CCDC68: variants seen among roughly 807,000 people sequenced by gnomAD.
CCDC68 encodes coiled-coil domain containing 68, also known as coiled-coil domain-containing protein 68.
CCDC68 carries 45 observed loss-of-function variants against 47.1 expected under a neutral mutation model. That is an observed-to-expected ratio of 0.96 (90% CI 0.75 to 1.23). CCDC68 has a LOEUF of 1.23. CCDC68 is among the 50% of genes most tolerant of loss of function. CCDC68 has a pLI of 0.00. For synonymous variants in CCDC68, 131 were observed against 129.5 expected (o/e 1.01, Z -0.08); for missense variants, 353 against 373.6 (o/e 0.94, Z 0.45).
At chr18:54,910,601 C>T (rs115759236) in intron 10 of CCDC68, among the ~76,000 whole-genome samples, 3,875 of 152,346 alleles carry the variant, frequency 0.025, 154 homozygotes, top group African/African-American at 0.086. Flanking sequence ...CTGCCCCCTT[C>T]TGCCCAGGAG....
intron 8 of CCDC68, among the ~76,000 whole-genome samples, chr18:54,921,306 C>T (rs970806042): frequency 2.0e-5 from 3 of 152,068 alleles, no homozygotes; most frequent in Non-Finnish European, 4.4e-5. Flanking sequence ...AATATACCCA[C>T]GTAACAAACC....
At chr18:54,914,686 A>T (rs970659122) in intron 10 of CCDC68, among the ~76,000 whole-genome samples, 2 of 152,214 alleles carry the variant, frequency 1.3e-5, no homozygotes, top group Admixed American at 6.5e-5. Flanking sequence ...AGAGACTCTA[A>T]GACAACACTG....
rs753024038 is a variant in CCDC68 at position 54,934,943 on chromosome 18, G to T, written c.477C>A (p.Asn159Lys). 2 of 1,587,484 alleles carry T rather than the reference G, an allele frequency of 1.3e-6. No individual in the cohort carries two copies. Among genetic ancestry groups the T allele is most frequent in the East Asian group, 2.3e-5 (1 of 43,282 alleles). Residue 159 changes from asparagine to lysine, a missense_variant, in exon 7 of 12, where the codon AAC becomes AAA. Transcript: ENST00000591504. ...QEDSKQLLQV[N>K]KLEKEQKLKQ... ...TCAATTTCTGTTCTTTTTCAAGCTT[G>T]TTAACCTATGGTCAGAGAATCAGTT...
chr18:54,950,482 G>A (rs960043936), intron 1 of CCDC68, among the ~76,000 whole-genome samples: 8 of 152,026 alleles, frequency 5.3e-5, no homozygotes, highest in Admixed American at 1.3e-4. Context: ...CACAGTATAC[G>A]AAAGACATGC....
At chr18:54,916,692 C>T (rs1167688746) in intron 10 of CCDC68, among the ~76,000 whole-genome samples, 1 of 152,180 alleles carries the variant, frequency 6.6e-6, no homozygotes, top group Non-Finnish European at 1.5e-5. Context: ...CTTCATTGCA[C>T]TTCCTGCAAG....
chr18:54,903,137 T>C lies in CCDC68; in HGVS notation c.*1221A>G, dbSNP rs1187703855. On this transcript the variant is annotated 3_prime_UTR_variant, in exon 12 of 12. Coordinates refer to ENST00000591504, the MANE Select transcript of CCDC68 (RefSeq NM_025214.3). ...TACATTACATCATCTCATTTTTATA[T>C]ACCTTCAAATATTTATAGACAACAC... 2 of 152,248 alleles carry C rather than the reference T, an allele frequency of 1.3e-5. No individual in the cohort carries two copies. The highest frequency in any genetic ancestry group is 2.9e-5 in the Non-Finnish European group (2 of 68,040). 9.4% of individuals were successfully genotyped at this position (152,248 alleles called of 1,614,324 possible).
In CCDC68 at chr18:54,901,623, C is replaced by T. The variant is rs184899444; in HGVS notation, c.*2735G>A. ...GCAATTATTCAAAAGATATACTATA[C>T]TAATTGTTTAAACATTTTATAATGA... On this transcript the variant is annotated 3_prime_UTR_variant, in exon 12 of 12. Transcript: ENST00000591504. 11 of 152,168 alleles carry T rather than the reference C, an allele frequency of 7.2e-5. No individual in the cohort carries two copies. The highest frequency in any genetic ancestry group is 1.3e-4 in the Non-Finnish European group (9 of 68,034). 9.4% of individuals were successfully genotyped at this position (152,168 alleles called of 1,614,324 possible).
intron 1 of CCDC68, among the ~76,000 whole-genome samples, chr18:54,953,014 A>G (rs75941879): frequency 4.7e-5 from 7 of 148,684 alleles, no homozygotes; most frequent in Admixed American, 1.3e-4. Flanking sequence ...CTCTGTTTCA[A>G]AAAAAAAAAA....
chr18:54,935,548 AC>A (rs1568151591), intron 6 of CCDC68, among the ~76,000 whole-genome samples: 1 of 152,184 alleles, frequency 6.6e-6, no homozygotes, highest in Non-Finnish European at 1.5e-5. Context: ...CCTTGTAAAT[AC>A]CAAGTGGGCC....
At chr18:54,933,583 G>A (rs1360773038) in intron 7 of CCDC68, among the ~76,000 whole-genome samples, 1 of 152,112 alleles carries the variant, frequency 6.6e-6, no homozygotes, top group Admixed American at 6.5e-5. Flanking sequence ...GTTTTGTTAA[G>A]CTATTTATTA....
At chr18:54,949,712 G>C (rs115504556) in intron 1 of CCDC68, among the ~76,000 whole-genome samples, 193 of 152,312 alleles carry the variant, frequency 1.3e-3, no homozygotes, top group African/African-American at 4.4e-3. Flanking sequence ...TTGCAGGAAA[G>C]GTCTCTTACT....
chr18:54,931,832 C>A (rs2044268234), intron 7 of CCDC68, among the ~76,000 whole-genome samples: 1 of 152,134 alleles, frequency 6.6e-6, no homozygotes, highest in African/African-American at 2.4e-5. Context: ...GTAATATGTT[C>A]ATTACCAGAC....
At chr18:54,929,406 CTG>C (rs2044205053) in intron 7 of CCDC68, among the ~76,000 whole-genome samples, 1 of 152,138 alleles carries the variant, frequency 6.6e-6, no homozygotes, top group Non-Finnish European at 1.5e-5. Flanking sequence ...ACAGGAGAAA[CTG>C]AGATTGCAAT....
chr18:54,938,019 T>C lies in CCDC68; in HGVS notation c.283A>G (p.Ile95Val). The stretch of plus-strand genomic sequence containing the variant: ...AAGAGCTGTAGGTCTTTTCCTTTTA[T>C]CTTTTTCATAAGCAAATCCAAACTG... ...CCSLDLLMKK[I>V]KGKDLQLLEM... The change falls in exon 5 of 12, where the codon ATA (isoleucine) becomes GTA (valine). Residue 95 changes from isoleucine (I) to valine (V), a missense_variant. Physicochemically the swap from Ile to Val is conservative, Grantham distance 29 (BLOSUM62 3). Transcript: ENST00000591504. The C allele has an allele frequency of 6.2e-7, 1 of 1,613,742 alleles. No homozygotes were observed. The highest frequency in any genetic ancestry group is 1.1e-5 in the South Asian group (1 of 91,040).
intron 7 of CCDC68, among the ~76,000 whole-genome samples, chr18:54,931,524 G>A (rs547254315): frequency 1.3e-5 from 2 of 152,322 alleles, no homozygotes; most frequent in East Asian, 3.9e-4. Flanking sequence ...GGAAAGGGTT[G>A]TGATCTAGAA....
chr18:54,941,509 TTAAG>T (rs910989866), intron 3 of CCDC68, among the ~76,000 whole-genome samples: 6 of 145,746 alleles, frequency 4.1e-5, no homozygotes, highest in Admixed American at 3.5e-4. Context: ...ATAATTACTA[TTAAG>T]TAATTACTAC....
chr18:54,922,987 CAAAAAAAAAAAAAAAA>C lies in CCDC68; in HGVS notation c.684-3627_684-3612del, dbSNP rs1183607769. 2.7e-4 allele frequency among the ~76,000 whole-genome samples: 11 copies of C among 40,036 alleles called. No homozygotes were observed. In the South Asian group the frequency reaches 0.011, roughly 40 times the overall value. 26.3% of individuals were successfully genotyped at this position (40,036 alleles called of 152,430 possible). A position where few individuals can be genotyped will look rare whatever the true frequency, so the allele number is the denominator to read the frequency against. ...TGGGTGACAGAGCAAGACTCCGTCT[CAAAAAAAAAAAAAAAA>C]AAAAAAAAAAGATCAAAACACAGAG... On this transcript the variant is annotated intron_variant, in intron 8 of 11. Transcript: ENST00000591504.
chr18:54,920,383 A>G (rs982901196), intron 8 of CCDC68, among the ~76,000 whole-genome samples: 1 of 151,822 alleles, frequency 6.6e-6, no homozygotes, highest in Non-Finnish European at 1.5e-5. Flanking sequence ...TGGGATTACA[A>G]GCATGCACCA....
At chr18:54,936,287 A>G (rs1376692179) in intron 6 of CCDC68, among the ~76,000 whole-genome samples, 1 of 146,184 alleles carries the variant, frequency 6.8e-6, no homozygotes, top group African/African-American at 2.5e-5. Flanking sequence ...ATTTTTAAAT[A>G]ATATATAAAA....
Sources: allele counts gnomAD v4.1 joint callset (sites outside exome capture counted in the v4.1 genomes callset), GRCh38; gene constraint gnomAD v4.1.1; transcripts MANE v1.5; gene names NCBI Gene and HGNC (gene_info 2026-07-23, HGNC 2026-07-21).